KDM6A: variants seen among roughly 807,000 people sequenced by gnomAD.
KDM6A encodes lysine-specific demethylase 6A.
KDM6A carries 11 observed loss-of-function variants against 117.6 expected under a neutral mutation model. The ratio of observed to expected loss-of-function variants is 0.09; its 90% confidence interval spans 0.06 to 0.15. KDM6A has a LOEUF of 0.15. KDM6A is among the 10% of genes least tolerant of loss of function. The pLI, the probability that KDM6A is intolerant of heterozygous loss-of-function variation, is 1.00. For missense variants in KDM6A, 799 were observed against 1,077.3 expected, an observed-to-expected ratio of 0.74 and a Z score of 3.62; for synonymous variants, 384 against 396.1, an observed-to-expected ratio of 0.97 and a Z score of 0.36.
intron 10 of KDM6A, among the ~76,000 whole-genome samples, chrX:45,056,596 A>C (rs1296491331): frequency 8.9e-6 from 1 of 111,967 alleles, no homozygotes; most frequent in Non-Finnish European, 1.9e-5. Flanking sequence ...CACTTCAAAG[A>C]TTTAGAAAGT....
At chrX:44,982,265 A>T (rs752095746) in intron 4 of KDM6A, among the ~76,000 whole-genome samples, 7 of 111,343 alleles carry the variant, frequency 6.3e-5, no homozygotes, top group African/African-American at 2.3e-4. Flanking sequence ...CAGGATATGT[A>T]TTTTTTTGTA....
intron 2 of KDM6A, among the ~76,000 whole-genome samples, chrX:44,904,246 G>C (rs1443007923): frequency 8.9e-6 from 1 of 111,978 alleles, no homozygotes; most frequent in African/African-American, 3.3e-5. Flanking sequence ...AAGTCTCCCA[G>C]TCTTTGCTGA....
At chrX:45,059,570 A>G (rs765766311) in intron 12 of KDM6A, 104 bp downstream of exon 12, 52 of 566,041 alleles carry the variant, frequency 9.2e-5, no homozygotes, top group Middle Eastern at 4.6e-4. Context: ...TTTGATGTCT[A>G]TAATCTGTTT....
intron 3 of KDM6A, among the ~76,000 whole-genome samples, chrX:44,972,603 C>CT (rs1405803490): frequency 9.0e-6 from 1 of 111,417 alleles, no homozygotes; most frequent in African/African-American, 3.3e-5. Flanking sequence ...ACAAGAGCCA[C>CT]TTTTGGGGAA....
chrX:45,068,957 G>C (rs1042866707), intron 17 of KDM6A, among the ~76,000 whole-genome samples: 2 of 109,830 alleles, frequency 1.8e-5, no homozygotes, highest in Non-Finnish European at 1.9e-5. Context: ...CGGCCTTCCA[G>C]AGTGCTGGGA....
chrX:44,984,040 G>C lies in KDM6A; in HGVS notation c.384+9325G>C, dbSNP rs776610220. On this transcript the variant is annotated intron_variant, in intron 4 of 29. Transcript: ENST00000611820. ...ACAGTCCCACTAACAGTGTAAAAGTGTTCCTATTTCTCTACATCCTCTCCA... is the reference window on the plus strand; with the variant it reads ...ACAGTCCCACTAACAGTGTAAAAGTCTTCCTATTTCTCTACATCCTCTCCA... 4.3e-4 allele frequency among the ~76,000 whole-genome samples: 48 copies of C among 110,415 alleles called. No individual in the cohort carries two copies. The East Asian group carries it at 0.013, about 29-fold the overall frequency.
At position 45,010,941 on chromosome X, in the gene KDM6A, C is replaced by T. The variant is rs1408683309; in HGVS notation, c.385-20C>T. 8.6e-7 allele frequency: 1 copy of T among 1,156,664 alleles called. No individual in the cohort carries two copies. Among genetic ancestry groups the T allele is most frequent in the Admixed American group, 2.2e-5 (1 of 45,635 alleles). ...AGATACAAGTATTTTTCCTAAAAAT[C>T]TTTTTCCCTTCCTTTACAGAATGCT... is the stretch of plus-strand genomic sequence containing the variant. On this transcript the variant is annotated intron_variant, in intron 4 of 29. Transcript: ENST00000611820.
intron 3 of KDM6A, among the ~76,000 whole-genome samples, chrX:44,965,388 C>T (rs981219421): frequency 1.8e-5 from 2 of 112,395 alleles, no homozygotes; most frequent in African/African-American, 6.5e-5. Context: ...TTTGGTCTGT[C>T]TCAGCTTTCA....
chrX:44,939,493 G>C (rs1052289832), intron 2 of KDM6A, among the ~76,000 whole-genome samples: 5 of 112,260 alleles, frequency 4.5e-5, no homozygotes, highest in African/African-American at 1.6e-4. Context: ...GAGCAAAGAA[G>C]GTGGTTTCTT....
intron 8 of KDM6A, among the ~76,000 whole-genome samples, chrX:45,050,114 C>T (rs941584208): frequency 2.7e-5 from 3 of 112,806 alleles, no homozygotes; most frequent in Admixed American, 1.9e-4. Context: ...CCAAGGCGGG[C>T]GGATCACCTG....
chrX:45,100,192 A>AT (rs1469090740), intron 27 of KDM6A, among the ~76,000 whole-genome samples: 2 of 111,436 alleles, frequency 1.8e-5, no homozygotes, highest in Non-Finnish European at 1.9e-5. Flanking sequence ...CCTCTGAAGT[A>AT]TTTTTTTTAA....
At chrX:45,085,571 A>G (rs939935824) in intron 24 of KDM6A, among the ~76,000 whole-genome samples, 2 of 111,965 alleles carry the variant, frequency 1.8e-5, no homozygotes, top group African/African-American at 6.5e-5. Context: ...GCCCAGGTTC[A>G]ATTAATGACT....
chrX:44,885,572 T>TA (rs1188444111), intron 2 of KDM6A, among the ~76,000 whole-genome samples: 1,579 of 104,303 alleles, frequency 0.015, 12 homozygotes, highest in Non-Finnish European at 0.023. Flanking sequence ...AGCCAAATAT[T>TA]AAAAAAAAAA....
rs751885001 is a variant in KDM6A, at chrX:45,049,788, C to T, written c.655-1921C>T. Among the ~76,000 whole-genome samples the T allele has an allele frequency of 2.3e-4, 26 of 112,208 alleles. No individual in the cohort carries two copies. In the South Asian group the frequency reaches 9.6e-3, roughly 41 times the overall value. ...GCTAGTACTCTAAACTTAATATGCG[C>T]TCGTTCTTCCTCTGAGAAGTATTAT... On this transcript the variant is annotated intron_variant, in intron 8 of 29. Transcript: ENST00000611820.
chrX:44,911,394 G>A (rs1302996914), intron 2 of KDM6A, among the ~76,000 whole-genome samples: 4 of 109,503 alleles, frequency 3.7e-5, no homozygotes, highest in East Asian at 2.9e-4. Flanking sequence ...AGACAGGGTC[G>A]CGGCCGGGCA....
At chrX:45,067,322 A>G (rs2044573150) in intron 17 of KDM6A, among the ~76,000 whole-genome samples, 1 of 111,964 alleles carries the variant, frequency 8.9e-6, no homozygotes, top group Admixed American at 9.5e-5. Flanking sequence ...TTTGTAGCTT[A>G]AAATACCTTG....
chrX:44,998,324 A>T (rs1305806089), intron 4 of KDM6A, among the ~76,000 whole-genome samples: 2 of 111,664 alleles, frequency 1.8e-5, no homozygotes, highest in African/African-American at 6.5e-5. Context: ...TTATTGGTGG[A>T]GAAGAGGTGA....
chrX:45,086,149 G>T, intron 25 of KDM6A, 170 bp downstream of exon 25: 1 of 421,604 alleles, frequency 2.4e-6, no homozygotes, highest in Non-Finnish European at 4.2e-6. Context: ...TTGTGTTATT[G>T]GAAATACTTT....
chrX:45,068,765 C>T (rs1467561742), intron 17 of KDM6A, among the ~76,000 whole-genome samples: 2 of 104,654 alleles, frequency 1.9e-5, no homozygotes, highest in South Asian at 4.2e-4. Flanking sequence ...TCTCCCCTCT[C>T]TCCCTCCTCT....
Sources: allele counts gnomAD v4.1 joint callset (sites outside exome capture counted in the v4.1 genomes callset), GRCh38; gene constraint gnomAD v4.1.1; transcripts MANE v1.5; gene names NCBI Gene and HGNC (gene_info 2026-07-23, HGNC 2026-07-21).